Variants in TMOD1 observed in about 807,000 individuals in gnomAD.
The protein encoded by TMOD1 is tropomodulin-1.
TMOD1 carries 17 observed loss-of-function variants against 40.6 expected under a neutral mutation model. That is an observed-to-expected ratio of 0.42 (90% CI 0.29 to 0.63). TMOD1 has a LOEUF of 0.63. Among genes scored for constraint, TMOD1 ranks in the 20% least tolerant of loss-of-function variants. TMOD1 has a pLI of 0.22. For synonymous variants in TMOD1, 181 were observed against 175.0 expected (o/e 1.03, Z -0.27); for missense variants, 391 against 447.6 (o/e 0.87, Z 1.14).
chr9:97,559,771 TTAAAA>T (rs1360313262), intron 4 of TMOD1, among the ~76,000 whole-genome samples: 5,556 of 62,280 alleles, frequency 0.089, 379 homozygotes, highest in Non-Finnish European at 0.11. Flanking sequence ...CCTCAAAAAT[TTAAAA>T]AAAAAAAAAA....
chr9:97,583,124 A>G (rs1478057191), intron 8 of TMOD1, among the ~76,000 whole-genome samples: 1 of 150,034 alleles, frequency 6.7e-6, no homozygotes, highest in Non-Finnish European at 1.5e-5. Context: ...TCAGTATGAT[A>G]TTGGCTGTGG....
At chr9:97,543,744 A>G (rs1283839975) in intron 2 of TMOD1, among the ~76,000 whole-genome samples, 1 of 152,098 alleles carries the variant, frequency 6.6e-6, no homozygotes, top group Non-Finnish European at 1.5e-5. Flanking sequence ...GTATTGTCTC[A>G]CTCTCTTGCA....
chr9:97,583,113 T>C (rs1825795253), intron 8 of TMOD1, among the ~76,000 whole-genome samples: 2 of 149,886 alleles, frequency 1.3e-5, no homozygotes, highest in African/African-American at 5.0e-5. Context: ...TTTTTGCCCA[T>C]TCAGTATGAT....
intron 9 of TMOD1, 76 bp downstream of exon 9, chr9:97,591,511 A>C (rs1333655398): frequency 2.6e-6 from 4 of 1,511,434 alleles, no homozygotes; most frequent in Non-Finnish European, 3.6e-6. Context: ...GTCAGGGAAA[A>C]TTCTGTAGAT....
At chr9:97,567,511 G>A (rs1054405789) in intron 7 of TMOD1, among the ~76,000 whole-genome samples, 1 of 152,252 alleles carries the variant, frequency 6.6e-6, no homozygotes, top group African/African-American at 2.4e-5. Flanking sequence ...CACCTGGCAA[G>A]ACAGGGCCTC....
Position 97,506,813 on chromosome 9 carries a change from C to T in TMOD1, c.-49+5010C>T, listed in dbSNP as rs565700259. On this transcript the variant is annotated intron_variant, in intron 1 of 9. Coordinates refer to ENST00000259365, the MANE Select transcript of TMOD1 (RefSeq NM_003275.4). ...CTTCTTGTTTTATATCCGTGCTTCT[C>T]TAACTTTAATGTGCATTGAAATTAC... 4.6e-5 allele frequency among the ~76,000 whole-genome samples: 7 copies of T among 152,312 alleles called. No individual in the cohort carries two copies. The South Asian group carries it at 1.2e-3, about 27-fold the overall frequency.
chr9:97,565,996 T>G, intron 7 of TMOD1, 41 bp downstream of exon 7: 1 of 1,561,680 alleles, frequency 6.4e-7, no homozygotes. Context: ...GCTGGGGGCC[T>G]TGAAACAGAA....
chr9:97,523,010 C>A (rs936185314), intron 1 of TMOD1, among the ~76,000 whole-genome samples: 1 of 152,136 alleles, frequency 6.6e-6, no homozygotes, highest in African/African-American at 2.4e-5. Flanking sequence ...GTAGAGAGCA[C>A]CCTCGGACTG....
Position 97,557,316 on chromosome 9 carries a change from T to C in TMOD1, c.397+3916T>C, listed in dbSNP as rs868010063. ...GAGGCTGCTGGGAGTCAGCAAGCAC[T>C]TGTAATTCGCAGTGCCTCCCCTGCC... is the stretch of plus-strand genomic sequence containing the variant. On this transcript the variant is annotated intron_variant, in intron 4 of 9. Transcript: ENST00000259365. The surrounding 1 kb of genome is among the most constrained non-coding windows in gnomAD (Gnocchi z 4.4). Among the ~76,000 whole-genome samples the C allele has an allele frequency of 6.6e-6, 1 of 152,144 alleles. No homozygotes were observed.
chr9:97,540,260 T>C (rs1830257739), intron 2 of TMOD1, among the ~76,000 whole-genome samples: 2 of 152,160 alleles, frequency 1.3e-5, no homozygotes, highest in Admixed American at 1.3e-4. Flanking sequence ...GGCTTAGAAG[T>C]CCCAGATCAG....
chr9:97,521,969 T>C (rs147616150), intron 1 of TMOD1, among the ~76,000 whole-genome samples: 3 of 152,342 alleles, frequency 2.0e-5, no homozygotes, highest in East Asian at 1.9e-4. Flanking sequence ...ATTGGTTGAC[T>C]GTCCTTTCCT....
At chr9:97,565,988 TG>T (rs1328794091) in intron 7 of TMOD1, 33 bp downstream of exon 7, 1 of 1,586,612 alleles carries the variant, frequency 6.3e-7, no homozygotes, top group African/African-American at 1.3e-5. Flanking sequence ...GCATTGTGGC[TG>T]GGGGCCTTGA....
At chr9:97,507,174 C>T (rs1349216283) in intron 1 of TMOD1, among the ~76,000 whole-genome samples, 2 of 152,098 alleles carry the variant, frequency 1.3e-5, no homozygotes, top group African/African-American at 4.8e-5. Context: ...AAACTTCTTG[C>T]AAGTTTGGAT....
intron 8 of TMOD1, among the ~76,000 whole-genome samples, chr9:97,581,630 A>G (rs1587957688): frequency 6.6e-6 from 1 of 150,466 alleles, no homozygotes; most frequent in Non-Finnish European, 1.5e-5. Flanking sequence ...AAGTGTTCCT[A>G]TTTCTCCACA....
At chr9:97,569,604 G>A (rs1830788800) in intron 8 of TMOD1, among the ~76,000 whole-genome samples, 1 of 152,124 alleles carries the variant, frequency 6.6e-6, no homozygotes, top group Admixed American at 6.5e-5. Context: ...TATCTGCGGG[G>A]CAACTCTTTC....
rs769381267 is a variant in TMOD1 at position 97,564,058 on chromosome 9, T to C, written c.508T>C (p.Tyr170His). The C allele has an allele frequency of 6.2e-7, 1 of 1,614,046 alleles. No individual in the cohort carries two copies. Among genetic ancestry groups the C allele is most frequent in the African/African-American group, 1.3e-5 (1 of 74,998 alleles). ...TCTAGGCGTGATTAAACCCACACAATACAAGCCTGTGCCCGACGAAGAACC... is the reference window on the plus strand; with the variant it reads ...TCTAGGCGTGATTAAACCCACACAACACAAGCCTGTGCCCGACGAAGAACC... ...GLNSVIKPTQ[Y>H]KPVPDEEPNS... The change falls in exon 6 of 10, where the codon TAC (tyrosine) becomes CAC (histidine). Residue 170 changes from tyrosine (Y) to histidine (H), a missense_variant. Coordinates refer to ENST00000259365, the MANE Select transcript of TMOD1 (RefSeq NM_003275.4).
chr9:97,519,602 T>C (rs1407356176), intron 1 of TMOD1, among the ~76,000 whole-genome samples: 3 of 152,094 alleles, frequency 2.0e-5, no homozygotes, highest in African/African-American at 4.8e-5. Flanking sequence ...GGTCCAATCT[T>C]GCCGTGGTAA....
At chr9:97,504,035 T>C (rs1460314443) in intron 1 of TMOD1, among the ~76,000 whole-genome samples, 1 of 152,086 alleles carries the variant, frequency 6.6e-6, no homozygotes, top group Non-Finnish European at 1.5e-5. Flanking sequence ...GGATGAGGAC[T>C]GGGAAAAGAC....
At chr9:97,549,413 C>G (rs1587935834) in intron 3 of TMOD1, among the ~76,000 whole-genome samples, 1 of 152,202 alleles carries the variant, frequency 6.6e-6, no homozygotes, top group Non-Finnish European at 1.5e-5. Context: ...TCACCATCCT[C>G]ACTGGAGGAA....
Sources: gnomAD v4.1 joint callset for allele counts (sites outside exome capture counted in the v4.1 genomes callset) on GRCh38, gnomAD v4.1.1 for gene constraint, Gnocchi (gnomAD v3.1) non-coding constraint, MANE v1.5 for transcripts, NCBI Gene and HGNC (gene_info 2026-07-23, HGNC 2026-07-21) for gene names.